The following DOK6 variants were observed in gnomAD, a reference collection of about 807,000 sequenced individuals.
DOK6 encodes downstream of tyrosine kinase 6.
In DOK6, 22 loss-of-function variants were observed where a neutral mutation model predicts 44.0. The ratio of observed to expected loss-of-function variants is 0.50; its 90% CI spans 0.36 to 0.71. The LOEUF (loss-of-function observed/expected upper bound fraction) is 0.71, where lower values mean the gene tolerates loss of function less well. Among genes scored for constraint, DOK6 ranks in the 30% least tolerant of loss-of-function variants. DOK6 has a pLI of 0.00. For missense variants in DOK6, 340 were observed against 416.4 expected (o/e 0.82, Z 1.60); for synonymous variants, 166 against 145.5 (o/e 1.14, Z -1.01).
In DOK6 at chr18:69,843,946, G is replaced by C. The variant is rs1982292133; in HGVS notation, c.*2563G>C. 1 of 152,112 alleles carries C rather than the reference G, an allele frequency of 6.6e-6. No individual in the cohort carries two copies. The highest frequency in any genetic ancestry group is 2.4e-5 in the African/African-American group (1 of 41,426). 9.4% of individuals were successfully genotyped at this position (152,112 alleles called of 1,614,324 possible). On this transcript the variant is annotated 3_prime_UTR_variant, in exon 8 of 8. Transcript: ENST00000382713. Reference sequence around the variant, plus strand: ...TGAACAGATAGGAGAACTTATATTAGACTAATATCCTTGACACGAAGCAGG... The same window carrying C: ...TGAACAGATAGGAGAACTTATATTACACTAATATCCTTGACACGAAGCAGG...
At chr18:69,740,113 G>A (rs1978751675) in intron 6 of DOK6, among the ~76,000 whole-genome samples, 1 of 152,124 alleles carries the variant, frequency 6.6e-6, no homozygotes, top group Non-Finnish European at 1.5e-5. Flanking sequence ...CACCTCAGGA[G>A]GGAAAGGGCA....
At chr18:69,600,006 T>C (rs758209750) in intron 3 of DOK6, among the ~76,000 whole-genome samples, 1 of 152,250 alleles carries the variant, frequency 6.6e-6, no homozygotes, top group Non-Finnish European at 1.5e-5. Flanking sequence ...TCTGACATTA[T>C]TGAGACACAA....
intron 3 of DOK6, chr18:69,662,687 T>G (rs1363929726): frequency 6.6e-6 from 1 of 152,262 alleles, no homozygotes; most frequent in African/African-American, 2.4e-5. Flanking sequence ...CCAATGAGAC[T>G]TTTAAAGTCA....
intron 5 of DOK6, among the ~76,000 whole-genome samples, chr18:69,717,871 TC>T (rs1282213930): frequency 6.6e-6 from 1 of 152,200 alleles, no homozygotes; most frequent in Non-Finnish European, 1.5e-5. Context: ...ATTTACTATC[TC>T]TAGGACTTGA....
intron 3 of DOK6, among the ~76,000 whole-genome samples, chr18:69,653,152 C>T (rs1448761220): frequency 6.6e-6 from 1 of 152,062 alleles, no homozygotes; most frequent in East Asian, 1.9e-4. Flanking sequence ...AGATAGAAAG[C>T]CACCATGTTT....
intron 5 of DOK6, among the ~76,000 whole-genome samples, chr18:69,732,191 G>A (rs900471563): frequency 6.6e-6 from 1 of 151,958 alleles, no homozygotes; most frequent in African/African-American, 2.4e-5. Context: ...GAGTACACGA[G>A]GTGCTTTTTG....
At chr18:69,682,581 G>A (rs1406249146) in intron 4 of DOK6, among the ~76,000 whole-genome samples, 1 of 152,176 alleles carries the variant, frequency 6.6e-6, no homozygotes, top group Admixed American at 6.5e-5. Flanking sequence ...CACAATTTGA[G>A]CCTTTGAATA....
intron 1 of DOK6, among the ~76,000 whole-genome samples, chr18:69,534,561 T>C (rs1180958279): frequency 1.3e-5 from 2 of 152,046 alleles, no homozygotes; most frequent in African/African-American, 4.8e-5. Context: ...CTTTGTATGG[T>C]GTGAGTTTGG....
intron 2 of DOK6, 102 bp downstream of exon 2, chr18:69,564,696 G>A (rs1271777360): frequency 1.1e-6 from 1 of 915,124 alleles, no homozygotes; most frequent in Non-Finnish European, 1.6e-6. Flanking sequence ...AAAATTAATG[G>A]CTTGGGAAAA....
intron 3 of DOK6, among the ~76,000 whole-genome samples, chr18:69,625,120 A>G (rs1984528627): frequency 3.9e-5 from 6 of 152,152 alleles, no homozygotes; most frequent in Admixed American, 3.9e-4. Context: ...CTTAATACAT[A>G]TGTAGTAAGT....
At chr18:69,761,128 G>C (rs1322799499) in intron 7 of DOK6, among the ~76,000 whole-genome samples, 1 of 137,388 alleles carries the variant, frequency 7.3e-6, no homozygotes, top group East Asian at 2.3e-4. Flanking sequence ...CCCGGGGGCC[G>C]GTTGTGACCA....
chr18:69,406,267 A>G (rs1410394494), intron 1 of DOK6, among the ~76,000 whole-genome samples: 1 of 152,204 alleles, frequency 6.6e-6, no homozygotes, highest in East Asian at 1.9e-4. Context: ...CGTGTGTATG[A>G]CATCTGATGT....
At chr18:69,429,210 G>A (rs1177795694) in intron 1 of DOK6, among the ~76,000 whole-genome samples, 1 of 152,058 alleles carries the variant, frequency 6.6e-6, no homozygotes. Context: ...TGACTCTGAT[G>A]ATTTCCTTAT....
intron 4 of DOK6, among the ~76,000 whole-genome samples, chr18:69,690,094 T>C (rs1986232200): frequency 6.6e-6 from 1 of 152,176 alleles, no homozygotes; most frequent in African/African-American, 2.4e-5. Flanking sequence ...GCCATGAACA[T>C]GCTTTACTTG....
chr18:69,828,884 G>GTGTGTATATATATATATATATATATATA (rs1555673465), intron 7 of DOK6, among the ~76,000 whole-genome samples: 2 of 90,212 alleles, frequency 2.2e-5, no homozygotes, highest in African/African-American at 6.2e-5. Context: ...ACATTTATGT[G>GTGTGTATATATATATATATATATATATA]TATATATATA....
intron 3 of DOK6, among the ~76,000 whole-genome samples, chr18:69,658,231 C>T (rs976379238): frequency 2.0e-5 from 3 of 151,896 alleles, no homozygotes; most frequent in African/African-American, 7.3e-5. Context: ...GGAATACAAG[C>T]GTTAAGCCAC....
chr18:69,561,475 T>C (rs1419906320), intron 1 of DOK6, among the ~76,000 whole-genome samples: 2 of 152,156 alleles, frequency 1.3e-5, no homozygotes, highest in East Asian at 3.8e-4. Context: ...TAATCATCTG[T>C]TTTTTTAAAT....
chr18:69,463,895 T>C (rs1979857730), intron 1 of DOK6, among the ~76,000 whole-genome samples: 1 of 152,182 alleles, frequency 6.6e-6, no homozygotes, highest in South Asian at 2.1e-4. Flanking sequence ...TAGCGTTCCA[T>C]TGAAACCAAA....
intron 1 of DOK6, among the ~76,000 whole-genome samples, chr18:69,414,157 C>G (rs1203352604): frequency 6.6e-6 from 1 of 152,050 alleles, no homozygotes; most frequent in African/African-American, 2.4e-5. Context: ...TAAAATGGTT[C>G]AGACACTCTG....
Sources: gnomAD v4.1 joint callset for allele counts (sites outside exome capture counted in the v4.1 genomes callset) on GRCh38, gnomAD v4.1.1 for gene constraint, MANE v1.5 for transcripts, NCBI Gene and HGNC (gene_info 2026-07-23, HGNC 2026-07-21) for gene names.